Variants in TMEM68 observed in about 807,000 individuals in gnomAD.
The protein encoded by TMEM68 is transmembrane protein 68.
In TMEM68, 25 loss-of-function variants were observed where a neutral mutation model predicts 36.9. The ratio of observed to expected loss-of-function variants is 0.68; its 90% confidence interval spans 0.49 to 0.95. The LOEUF (loss-of-function observed/expected upper bound fraction) is 0.95, where lower values mean the gene tolerates loss of function less well. Among genes scored for constraint, TMEM68 ranks in the 40% least tolerant of loss-of-function variants. TMEM68 has a pLI of 0.00. For missense variants in TMEM68, 333 were observed against 392.0 expected, an observed-to-expected ratio of 0.85 and a Z score of 1.27; for synonymous variants, 131 against 124.4, an observed-to-expected ratio of 1.05 and a Z score of -0.35.
At chr8:55,764,547 T>C (rs943058552) in intron 1 of TMEM68, among the ~76,000 whole-genome samples, 1 of 152,158 alleles carries the variant, frequency 6.6e-6, no homozygotes, top group Admixed American at 6.5e-5. Context: ...GATGTACATA[T>C]AAGAAAAATG....
At chr8:55,765,511 G>C (rs1810937292) in intron 1 of TMEM68, among the ~76,000 whole-genome samples, 2 of 152,132 alleles carry the variant, frequency 1.3e-5, no homozygotes, top group African/African-American at 4.8e-5. Flanking sequence ...GCTAATCTGT[G>C]TAAAGAGCCT....
In TMEM68 at chr8:55,739,812, G is replaced by A. The variant is rs943169308; in HGVS notation, c.*320C>T. On this transcript the variant is annotated 3_prime_UTR_variant, in exon 8 of 8. Coordinates refer to ENST00000434581, the MANE Select transcript of TMEM68 (RefSeq NM_001286657.2). The stretch of plus-strand genomic sequence containing the variant: ...AGGGCGACAGATACAGAAATTTAAC[G>A]CATTATCCAGGAATGTTTGTTTAAC... The A allele has an allele frequency of 6.8e-5, 16 of 236,482 alleles. No individual in the cohort carries two copies. The highest frequency in any genetic ancestry group is 1.6e-3 in the Middle Eastern group (1 of 620). The allele number at this position is 236,482 out of a possible 1,614,324, so 14.6% of individuals were successfully genotyped here.
chr8:55,744,585 GC>G (rs1265369956), intron 6 of TMEM68, among the ~76,000 whole-genome samples: 1 of 151,894 alleles, frequency 6.6e-6, no homozygotes, highest in Non-Finnish European at 1.5e-5. Flanking sequence ...AGGATTACAG[GC>G]ATGAGCCACC....
In TMEM68 at chr8:55,762,660, CCA is replaced by C; in HGVS notation, c.298_299del (p.Trp100GlyfsTer11). 1 of 1,614,166 alleles carries C rather than the reference CCA, an allele frequency of 6.2e-7. No homozygotes were observed. Among genetic ancestry groups the C allele is most frequent in the East Asian group, 2.2e-5 (1 of 44,876 alleles). ...DGARKTVATL[W>X]DGHAAVWHGY... ...CATGCCAAACGGCTGCATGTCCATC[CCA>C]CAGAGTTGCCACTGTTTTCCTTGCA... On this transcript the variant is annotated frameshift_variant, in exon 3 of 8. Coordinates refer to ENST00000434581, the MANE Select transcript of TMEM68 (RefSeq NM_001286657.2). LOFTEE classifies it high-confidence loss of function.
intron 4 of TMEM68, chr8:55,751,381 T>C (rs1307619879): frequency 1.2e-5 from 6 of 489,406 alleles, no homozygotes; most frequent in Non-Finnish European, 3.6e-6. Flanking sequence ...CAAACAGGTA[T>C]TCTTCTCCCC....
chr8:55,771,568 G>A (rs1811168573), intron 1 of TMEM68, among the ~76,000 whole-genome samples: 1 of 152,074 alleles, frequency 6.6e-6, no homozygotes, highest in Admixed American at 6.6e-5. Flanking sequence ...TGTGAGCCGC[G>A]ATCGCGCCAC....
chr8:55,747,359 C>G (rs983987872), intron 5 of TMEM68: 3 of 151,698 alleles, frequency 2.0e-5, no homozygotes, highest in African/African-American at 4.8e-5. Context: ...AAGACTCTGT[C>G]TCAAAAAAAT....
chr8:55,755,110 G>A (rs1189763134), intron 4 of TMEM68, among the ~76,000 whole-genome samples: 1 of 149,920 alleles, frequency 6.7e-6, no homozygotes, highest in Non-Finnish European at 1.5e-5. Context: ...ACCAGCCTGG[G>A]CAACATAGCA....
intron 1 of TMEM68, among the ~76,000 whole-genome samples, chr8:55,765,248 A>T (rs1563438939): frequency 6.6e-6 from 1 of 152,138 alleles, no homozygotes; most frequent in Non-Finnish European, 1.5e-5. Context: ...TCCATTAAAC[A>T]ACCTTGTAAG....
intron 4 of TMEM68, among the ~76,000 whole-genome samples, chr8:55,752,719 CCCT>C (rs1225926167): frequency 1.7e-5 from 2 of 120,524 alleles, no homozygotes; most frequent in Non-Finnish European, 3.4e-5. Context: ...AATATAGGAT[CCCT>C]TTTTTTTTTT....
At chr8:55,757,314 T>C (rs901508501) in intron 3 of TMEM68, among the ~76,000 whole-genome samples, 1 of 152,112 alleles carries the variant, frequency 6.6e-6, no homozygotes, top group Non-Finnish European at 1.5e-5. Flanking sequence ...AAGAGGCAGA[T>C]GCCATAAAAG....
chr8:55,754,068 G>C (rs558703746), intron 4 of TMEM68, among the ~76,000 whole-genome samples: 1 of 152,010 alleles, frequency 6.6e-6, no homozygotes, highest in Admixed American at 6.6e-5. Flanking sequence ...CTCCAGCCTG[G>C]ACAACAAGAG....
intron 1 of TMEM68, among the ~76,000 whole-genome samples, chr8:55,767,079 C>A (rs1585734974): frequency 1.1e-5 from 1 of 90,738 alleles, no homozygotes; most frequent in Non-Finnish European, 2.2e-5. Flanking sequence ...CCTAATAAGA[C>A]TATCGTGAAG....
At position 55,762,834 on chromosome 8, in the gene TMEM68, G is replaced by A. The variant is rs1337045377; in HGVS notation, c.126C>T (p.Asn42=). ...EQLEDYLNFA[N]YLLWVFTPLI... is the part of the protein sequence containing the mutation. ...GTGGTGTAAAAACCCACAAGAGATA[G>A]TTTGCAAAATTCAAATAGTCCTCCA... The change falls in exon 3 of 8, where the codon AAC becomes AAT. Residue 42 remains asparagine (N), a synonymous_variant. Transcript: ENST00000434581. 3 of 1,614,142 alleles carry A rather than the reference G, an allele frequency of 1.9e-6. No individual in the cohort carries two copies. Among genetic ancestry groups the A allele is most frequent in the East Asian group, 2.2e-5 (1 of 44,866 alleles).
intron 1 of TMEM68, among the ~76,000 whole-genome samples, chr8:55,770,911 T>C (rs189341914): frequency 2.0e-4 from 30 of 152,118 alleles, no homozygotes; most frequent in Non-Finnish European, 4.4e-5. Flanking sequence ...ATCCCAGCAC[T>C]TTGCGAAGCA....
intron 1 of TMEM68, among the ~76,000 whole-genome samples, chr8:55,770,882 G>A (rs766302287): frequency 6.6e-6 from 1 of 152,094 alleles, no homozygotes; most frequent in Non-Finnish European, 1.5e-5. Context: ...AAGGCCACGC[G>A]CGGTGGCTCA....
chr8:55,773,002 G>A (rs774178606), intron 1 of TMEM68: 1 of 152,518 alleles, frequency 6.6e-6, no homozygotes, highest in Admixed American at 6.5e-5. Context: ...CAGGGGAGAA[G>A]AGGGGCGGGG....
chr8:55,762,985 TCA>T lies in TMEM68; in HGVS notation c.-28_-27del. ...TTTTCTTCAGGTGAAAATGACAAAT[TCA>T]GTTTCTTTCTTCATTGCCATAGCAG... On this transcript the variant is annotated 5_prime_UTR_variant, in exon 3 of 8. It removes the in-frame stop codon of an upstream open reading frame in the 5' UTR. Transcript: ENST00000434581. 6.4e-7 allele frequency: 1 copy of T among 1,555,528 alleles called. No homozygotes were observed.
intron 7 of TMEM68, among the ~76,000 whole-genome samples, chr8:55,740,772 T>A (rs564256222): frequency 3.9e-5 from 6 of 151,932 alleles, no homozygotes; most frequent in Non-Finnish European, 7.4e-5. Context: ...TTGCTCAGGC[T>A]GGTCTCGAAC....
Sources: allele counts gnomAD v4.1 joint callset (sites outside exome capture counted in the v4.1 genomes callset), GRCh38; gene constraint gnomAD v4.1.1; transcripts MANE v1.5; gene names NCBI Gene and HGNC (gene_info 2026-07-23, HGNC 2026-07-21).